Variants in HIVEP3 observed in about 807,000 individuals in gnomAD.
HIVEP3 encodes transcription factor HIVEP3.
In HIVEP3, 49 loss-of-function variants were observed where a neutral mutation model predicts 152.8. The observed-to-expected ratio is 0.32, with a 90% CI of 0.26 to 0.41. The LOEUF (loss-of-function observed/expected upper bound fraction) is 0.41. Among genes scored for constraint, HIVEP3 ranks in the 10% least tolerant of loss-of-function variants. HIVEP3 has a pLI of 1.00. For synonymous variants in HIVEP3, 1,269 were observed against 1,289.0 expected (o/e 0.98, Z 0.33); for missense variants, 2,790 against 3,103.3 (o/e 0.90, Z 2.40).
At chr1:42,001,310 G>T (rs1041533659) in intron 1 of HIVEP3, among the ~76,000 whole-genome samples, 11 of 152,212 alleles carry the variant, frequency 7.2e-5, no homozygotes, top group African/African-American at 2.7e-4. Context: ...CCCCAACATT[G>T]TCTATGGAGG....
At chr1:41,775,761 A>G (rs961138941) in intron 1 of HIVEP3, among the ~76,000 whole-genome samples, 2 of 152,044 alleles carry the variant, frequency 1.3e-5, no homozygotes, top group Admixed American at 1.3e-4. Context: ...GATTACAGGC[A>G]TGAGCCACCG....
At chr1:41,660,542 G>A (rs1421904211) in intron 2 of HIVEP3, among the ~76,000 whole-genome samples, 1 of 152,164 alleles carries the variant, frequency 6.6e-6, no homozygotes, top group Non-Finnish European at 1.5e-5. Flanking sequence ...GACCTCAGAT[G>A]AGCCTCTTAA....
intron 1 of HIVEP3, among the ~76,000 whole-genome samples, chr1:41,859,856 C>A (rs1643865041): frequency 6.6e-6 from 1 of 152,160 alleles, no homozygotes; most frequent in African/African-American, 2.4e-5. Context: ...AAAAAGGAAG[C>A]CCGTTTTCAT....
At chr1:41,851,276 C>T (rs1046032163) in intron 1 of HIVEP3, among the ~76,000 whole-genome samples, 14 of 138,448 alleles carry the variant, frequency 1.0e-4, no homozygotes, top group Admixed American at 3.6e-4. Context: ...TGAGAGAGCA[C>T]CTTCTTCTTC....
At chr1:41,809,800 G>A (rs942642866) in intron 1 of HIVEP3, among the ~76,000 whole-genome samples, 19 of 152,300 alleles carry the variant, frequency 1.2e-4, no homozygotes, top group Admixed American at 5.9e-4. Context: ...AAGTGAATGG[G>A]AGGAGGGTTC....
chr1:41,793,060 T>C (rs1649790002), intron 1 of HIVEP3, among the ~76,000 whole-genome samples: 2 of 152,206 alleles, frequency 1.3e-5, no homozygotes, highest in Non-Finnish European at 2.9e-5. Flanking sequence ...CAGTGTAGCA[T>C]CAGCCCACAC....
intron 1 of HIVEP3, among the ~76,000 whole-genome samples, chr1:41,810,377 T>C (rs1381047142): frequency 6.6e-6 from 1 of 152,200 alleles, no homozygotes; most frequent in East Asian, 1.9e-4. Context: ...GGCCCACTAG[T>C]TGACTCCAGG....
chr1:41,799,514 C>T (rs1330288919), intron 1 of HIVEP3, among the ~76,000 whole-genome samples: 1 of 152,338 alleles, frequency 6.6e-6, no homozygotes, highest in Middle Eastern at 3.4e-3. Context: ...AATGTTCCTG[C>T]AGTGCTAGCT....
At chr1:41,853,428 A>G (rs1866759) in intron 1 of HIVEP3, among the ~76,000 whole-genome samples, 4,437 of 152,316 alleles carry the variant, frequency 0.029, 97 homozygotes, top group Non-Finnish European at 0.047. Context: ...GGTGGCAGGA[A>G]GGAGAATGAA....
chr1:41,770,217 C>T (rs1177706440), intron 1 of HIVEP3, among the ~76,000 whole-genome samples: 1 of 152,064 alleles, frequency 6.6e-6, no homozygotes, highest in Admixed American at 6.5e-5. Context: ...TTGTGATCTG[C>T]CCACCTCGGC....
chr1:42,031,827 AAGTAACAAG>A (rs1462518239), intron 1 of HIVEP3, among the ~76,000 whole-genome samples: 1 of 152,220 alleles, frequency 6.6e-6, no homozygotes, highest in Non-Finnish European at 1.5e-5. Flanking sequence ...GAAGTATATA[AAGTAACAAG>A]AGTAAAATTA....
intron 1 of HIVEP3, among the ~76,000 whole-genome samples, chr1:41,811,512 C>T (rs1650957766): frequency 6.6e-6 from 1 of 151,964 alleles, no homozygotes; most frequent in Admixed American, 6.6e-5. Context: ...TTATCAGTTA[C>T]ATTTGCTGTT....
chr1:41,840,162 C>T (rs982578951), intron 1 of HIVEP3, among the ~76,000 whole-genome samples: 2 of 152,160 alleles, frequency 1.3e-5, no homozygotes, highest in Non-Finnish European at 2.9e-5. Flanking sequence ...CTGAAAAACC[C>T]GGACTGGGTT....
chr1:41,878,946 A>C, intron 1 of HIVEP3, among the ~76,000 whole-genome samples: 1 of 141,812 alleles, frequency 7.1e-6, no homozygotes, highest in Admixed American at 7.3e-5. Context: ...GATACCGCAT[A>C]CTCCACTTGT....
intron 1 of HIVEP3, among the ~76,000 whole-genome samples, chr1:41,830,775 T>C (rs1442368857): frequency 1.3e-5 from 2 of 152,126 alleles, no homozygotes; most frequent in Non-Finnish European, 2.9e-5. Context: ...GTGAACTTCC[T>C]ACACATAGAT....
intron 1 of HIVEP3, among the ~76,000 whole-genome samples, chr1:41,739,174 C>T (rs1371475348): frequency 3.3e-5 from 5 of 152,254 alleles, no homozygotes; most frequent in Admixed American, 3.3e-4. Context: ...CCCTGCATGG[C>T]CCCAGACGGC....
At chr1:41,589,293 A>G (rs565175779) in intron 3 of HIVEP3, among the ~76,000 whole-genome samples, 215 of 152,354 alleles carry the variant, frequency 1.4e-3, no homozygotes, top group African/African-American at 5.1e-3. Context: ...GCTCTCGCTC[A>G]GAGACCAGCT....
chr1:41,655,576 C>T (rs1645616222), intron 2 of HIVEP3, among the ~76,000 whole-genome samples: 1 of 106,036 alleles, frequency 9.4e-6, no homozygotes, highest in Non-Finnish European at 1.7e-5. Flanking sequence ...GAGTGACACT[C>T]CATCTCAAAA....
chr1:41,720,549 G>A (rs1311393191), intron 1 of HIVEP3, among the ~76,000 whole-genome samples: 1 of 152,158 alleles, frequency 6.6e-6, no homozygotes, highest in Non-Finnish European at 1.5e-5. Context: ...AGGCTCTAAT[G>A]TCAAGAGGCT....
Sources: gnomAD v4.1 joint callset for allele counts (sites outside exome capture counted in the v4.1 genomes callset) on GRCh38, gnomAD v4.1.1 for gene constraint, MANE v1.5 for transcripts, NCBI Gene and HGNC (gene_info 2026-07-23, HGNC 2026-07-21) for gene names.